TLN2: variants seen among roughly 807,000 people sequenced by gnomAD.
TLN2 encodes talin-2.
Under a neutral mutation model 294.7 loss-of-function variants are expected in TLN2, and 118 were observed. The ratio of observed to expected loss-of-function variants is 0.40; its 90% CI spans 0.34 to 0.47. The LOEUF (loss-of-function observed/expected upper bound fraction) is 0.47. TLN2 is among the 20% of genes least tolerant of loss of function. The probability of loss-of-function intolerance (pLI) is 0.84; values close to 1 mark genes in which losing one functional copy is unlikely to be tolerated. For missense variants in TLN2, 3,083 were observed against 3,282.2 expected (o/e 0.94, Z 1.48); for synonymous variants, 1,431 against 1,304.5 (o/e 1.10, Z -2.09).
intron 4 of TLN2, among the ~76,000 whole-genome samples, chr15:62,648,603 A>T (rs2052210753): frequency 7.4e-6 from 1 of 135,236 alleles, no homozygotes; most frequent in African/African-American, 2.7e-5. Flanking sequence ...GCTGGAGGGC[A>T]ACGATGTGAT....
At chr15:62,682,995 A>T (rs12440093) in intron 11 of TLN2, 70,303 of 152,050 alleles carry the variant, frequency 0.46, 18,551 homozygotes, top group Middle Eastern at 0.63. Flanking sequence ...TTGCAGGGAG[A>T]GAAATGGCTA....
Position 62,544,170 on chromosome 15 carries a change from A to G in TLN2, c.-237-45517A>G, listed in dbSNP as rs574019150. 3.3e-5 allele frequency among the ~76,000 whole-genome samples: 5 copies of G among 152,306 alleles called. No individual in the cohort carries two copies. In the South Asian group the frequency reaches 1.0e-3, roughly 32 times the overall value. On this transcript the variant is annotated intron_variant, in intron 1 of 58. Coordinates refer to ENST00000636159, the MANE Select transcript of TLN2 (RefSeq NM_015059.3). ...CTCTTCATGTTCATCCAAATTTCAG[A>G]TTCCTTAAAAATGATATTTCTTGTT...
chr15:62,713,693 T>C (rs1407609953), intron 22 of TLN2, among the ~76,000 whole-genome samples: 1 of 151,744 alleles, frequency 6.6e-6, no homozygotes. Context: ...AAAAAATGTA[T>C]TGTGACACAT....
chr15:62,501,880 G>A (rs2039327587), intron 1 of TLN2, among the ~76,000 whole-genome samples: 1 of 152,150 alleles, frequency 6.6e-6, no homozygotes, highest in South Asian at 2.1e-4. Context: ...TCCAAGGTAG[G>A]GAACTTAGTG....
At chr15:62,708,103 C>T (rs756866091) in intron 20 of TLN2, among the ~76,000 whole-genome samples, 3 of 152,046 alleles carry the variant, frequency 2.0e-5, no homozygotes, top group Non-Finnish European at 4.4e-5. Flanking sequence ...TCAGGTGTTT[C>T]TGGGAATAGA....
chr15:62,808,779 T>C (rs2066470471), intron 51 of TLN2, among the ~76,000 whole-genome samples: 1 of 152,170 alleles, frequency 6.6e-6, no homozygotes, highest in African/African-American at 2.4e-5. Context: ...GCTGGGAGCA[T>C]GGCTTTTGGT....
At chr15:62,631,904 T>C (rs901531706) in intron 3 of TLN2, among the ~76,000 whole-genome samples, 4 of 152,050 alleles carry the variant, frequency 2.6e-5, no homozygotes, top group African/African-American at 9.7e-5. Context: ...GTGAGGTATT[T>C]TTTAATAGTC....
intron 1 of TLN2, among the ~76,000 whole-genome samples, chr15:62,433,434 C>G (rs928439391): frequency 4.6e-5 from 7 of 152,124 alleles, no homozygotes; most frequent in African/African-American, 2.4e-5. Context: ...CCTGTACCAC[C>G]TGACTGTCAC....
chr15:62,496,821 C>G (rs1223519653), intron 1 of TLN2, among the ~76,000 whole-genome samples: 2 of 152,148 alleles, frequency 1.3e-5, no homozygotes, highest in African/African-American at 4.8e-5. Context: ...CTTCTATTGT[C>G]CATTATACAC....
intron 39 of TLN2, among the ~76,000 whole-genome samples, chr15:62,763,072 A>C (rs2062774730): frequency 6.6e-6 from 1 of 152,238 alleles, no homozygotes; most frequent in African/African-American, 2.4e-5. Flanking sequence ...TGAAGCTCAA[A>C]ACCACAGTTA....
At chr15:62,551,912 C>T (rs1234469719) in intron 1 of TLN2, among the ~76,000 whole-genome samples, 1 of 152,200 alleles carries the variant, frequency 6.6e-6, no homozygotes, top group African/African-American at 2.4e-5. Context: ...TCATCCTTGA[C>T]ATTAAAATTA....
intron 1 of TLN2, among the ~76,000 whole-genome samples, chr15:62,400,112 C>T (rs180697241): frequency 1.8e-3 from 280 of 152,280 alleles, no homozygotes; most frequent in African/African-American, 6.0e-3. Flanking sequence ...TGAGATCTCA[C>T]GAGATCTGAT....
At chr15:62,462,645 T>A (rs986462659) in intron 1 of TLN2, among the ~76,000 whole-genome samples, 1 of 152,132 alleles carries the variant, frequency 6.6e-6, no homozygotes, top group Non-Finnish European at 1.5e-5. Context: ...GGTAGTGCTA[T>A]AGGCTGAATA....
chr15:62,795,733 C>G (rs1314074942), intron 46 of TLN2, among the ~76,000 whole-genome samples: 3 of 152,174 alleles, frequency 2.0e-5, no homozygotes, highest in Non-Finnish European at 4.4e-5. Context: ...AATCCTTTCT[C>G]CCGTTCTGTG....
At chr15:62,451,261 C>G (rs6494321) in intron 1 of TLN2, among the ~76,000 whole-genome samples, 1,679 of 152,270 alleles carry the variant, frequency 0.011, 32 homozygotes, top group African/African-American at 0.038. Flanking sequence ...CAGACTGCCC[C>G]ATGTGTCTAG....
chr15:62,816,469 G>C (rs1250216611), intron 52 of TLN2, among the ~76,000 whole-genome samples: 1 of 152,164 alleles, frequency 6.6e-6, no homozygotes, highest in Admixed American at 6.5e-5. Flanking sequence ...CTTAATGGCA[G>C]AATAAAAATA....
At chr15:62,641,345 G>C (rs144651465) in intron 3 of TLN2, among the ~76,000 whole-genome samples, 2 of 152,078 alleles carry the variant, frequency 1.3e-5, no homozygotes, top group African/African-American at 4.8e-5. Context: ...GGCCGGGCAC[G>C]GTGGCTCACA....
chr15:62,597,796 A>G (rs2140766708), intron 2 of TLN2, among the ~76,000 whole-genome samples: 1 of 152,190 alleles, frequency 6.6e-6, no homozygotes, highest in South Asian at 2.1e-4. Context: ...TTTATGTTTT[A>G]CATATACCTG....
At chr15:62,471,765 T>G (rs2037487915) in intron 1 of TLN2, among the ~76,000 whole-genome samples, 1 of 152,108 alleles carries the variant, frequency 6.6e-6, no homozygotes, top group Non-Finnish European at 1.5e-5. Flanking sequence ...CCTTTCACAT[T>G]CGGGTTTGAA....
Sources: allele counts gnomAD v4.1 joint callset (sites outside exome capture counted in the v4.1 genomes callset), GRCh38; gene constraint gnomAD v4.1.1; transcripts MANE v1.5; gene names NCBI Gene and HGNC (gene_info 2026-07-23, HGNC 2026-07-21).